Variants in ZRANB1 observed in about 807,000 individuals in gnomAD.
ZRANB1 encodes ubiquitin thioesterase ZRANB1.
ZRANB1 carries 16 observed loss-of-function variants against 80.5 expected under a neutral mutation model. The observed-to-expected ratio is 0.20, with a 90% CI of 0.13 to 0.30. ZRANB1 has a LOEUF of 0.30. Among genes scored for constraint, ZRANB1 ranks in the 10% least tolerant of loss-of-function variants. The pLI, the probability that ZRANB1 is intolerant of heterozygous loss-of-function variation, is 1.00. For synonymous variants in ZRANB1, 291 were observed against 293.1 expected (o/e 0.99, Z 0.07); for missense variants, 576 against 862.6 (o/e 0.67, Z 4.16).
upstream of ZRANB1, among the ~76,000 whole-genome samples, chr10:124,940,262 TTAAAA>T (rs1951523040): frequency 6.6e-6 from 1 of 152,358 alleles, no homozygotes; most frequent in East Asian, 1.9e-4. Flanking sequence ...TTGTCCATTG[TTAAAA>T]TAAGTGAGTA....
intron 1 of ZRANB1, among the ~76,000 whole-genome samples, chr10:124,955,447 A>G (rs918520587): frequency 2.0e-5 from 3 of 152,092 alleles, no homozygotes; most frequent in African/African-American, 7.2e-5. Flanking sequence ...AGACTTCTGT[A>G]GCGTCTTTTG....
At chr10:124,957,866 A>G (rs955958639) in intron 1 of ZRANB1, among the ~76,000 whole-genome samples, 2 of 152,050 alleles carry the variant, frequency 1.3e-5, no homozygotes, top group African/African-American at 4.8e-5. Flanking sequence ...AGCTGGGACT[A>G]TAGGCGTGTG....
At chr10:124,922,281 A>AATATATATATATATATGTAAAAT in the ZRANB1 span, among the ~76,000 whole-genome samples, 387 of 87,374 alleles carry the variant, frequency 4.4e-3, 3 homozygotes, top group African/African-American at 0.016. Flanking sequence ...ATATATGTAA[A>AATATATATATATATATGTAAAAT]ATATATATAT....
the ZRANB1 span, among the ~76,000 whole-genome samples, chr10:124,916,938 G>A: frequency 1.3e-5 from 2 of 151,860 alleles, no homozygotes; most frequent in Non-Finnish European, 2.9e-5. Flanking sequence ...GGTCCGCAGC[G>A]CCCGCGGCCG....
chr10:124,943,553 ATATG>A (rs200916241), intron 1 of ZRANB1, among the ~76,000 whole-genome samples: 12,284 of 152,044 alleles, frequency 0.081, 674 homozygotes, highest in Admixed American at 0.16. Flanking sequence ...GTGTATATAT[ATATG>A]CGCAAAGTCA....
chr10:124,954,749 C>CT (rs1284716418), intron 1 of ZRANB1, among the ~76,000 whole-genome samples: 2 of 151,040 alleles, frequency 1.3e-5, no homozygotes, highest in Non-Finnish European at 3.0e-5. Context: ...TACCTGGCCC[C>CT]TTTTTACTTA....
At chr10:124,980,507 CT>C (rs66510024) in intron 5 of ZRANB1, among the ~76,000 whole-genome samples, 24,454 of 152,082 alleles carry the variant, frequency 0.16, 2,036 homozygotes, top group African/African-American at 0.21. Context: ...TCTCCTTGAA[CT>C]TTTCAAAACA....
chr10:124,922,184 A>G, the ZRANB1 span, among the ~76,000 whole-genome samples: 2 of 149,930 alleles, frequency 1.3e-5, no homozygotes, highest in Non-Finnish European at 3.0e-5. Flanking sequence ...GGCTCAACCA[A>G]TCCTCTTGCC....
intron 1 of ZRANB1, 78 bp downstream of exon 1, chr10:124,943,385 T>C (rs1050901830): frequency 5.0e-6 from 7 of 1,388,130 alleles, no homozygotes; most frequent in East Asian, 2.3e-5. Flanking sequence ...CTGGGTGCGC[T>C]GACACACGTT....
chr10:124,983,729 T>C lies in ZRANB1; in HGVS notation c.1908+41T>C, dbSNP rs1260370088. ...TATGAACTATTTCTAGTAGTGACCT[T>C]GTACCAGAAACAGCCTGAAGTGCCT... On this transcript the variant is annotated intron_variant, in intron 8 of 8. Transcript: ENST00000359653. This position sits in a 1 kb window ranked among gnomAD's most constrained non-coding sequence, Gnocchi z 6.2. The C allele has an allele frequency of 2.0e-6, 3 of 1,478,612 alleles. No individual in the cohort carries two copies. Among genetic ancestry groups the C allele is most frequent in the Non-Finnish European group, 9.2e-7 (1 of 1,087,098 alleles). The allele number at this position is 1,478,612 out of a possible 1,614,324, so 91.6% of individuals were successfully genotyped here.
the ZRANB1 span, among the ~76,000 whole-genome samples, chr10:124,919,919 CCCT>C: frequency 4.7e-4 from 57 of 120,804 alleles, no homozygotes; most frequent in Non-Finnish European, 7.6e-4. Flanking sequence ...CCCCCCCCCC[CCCT>C]TTTTTTTTTT....
the ZRANB1 span, among the ~76,000 whole-genome samples, chr10:124,926,271 A>T: frequency 2.0e-5 from 3 of 152,236 alleles, no homozygotes; most frequent in African/African-American, 7.2e-5. Context: ...ATTTTCTTCA[A>T]AAATAAATTA....
chr10:124,923,361 A>G, the ZRANB1 span, among the ~76,000 whole-genome samples: 1 of 150,832 alleles, frequency 6.6e-6, no homozygotes, highest in Admixed American at 6.6e-5. Flanking sequence ...TGGGAGGCCA[A>G]GGCAGGTGGA....
Position 124,983,144 on chromosome 10 carries a change from A to G in ZRANB1, c.1549-31A>G, listed in dbSNP as rs980183377. The G allele has an allele frequency of 5.0e-6, 8 of 1,591,880 alleles. No homozygotes were observed. Among genetic ancestry groups the G allele is most frequent in the Middle Eastern group, 1.7e-4 (1 of 5,966 alleles). ...ATCAGTTTTCCAGGAGTGGTAATAA[A>G]TGTTTTAAGTTTTTGTTTTGTTTCG... On this transcript the variant is annotated intron_variant, in intron 6 of 8. Transcript: ENST00000359653. This position sits in a 1 kb window ranked among gnomAD's most constrained non-coding sequence, Gnocchi z 6.2.
chr10:124,942,155 T>C lies in ZRANB1; in HGVS notation c.-339T>C. On this transcript the variant is annotated 5_prime_UTR_variant, in exon 1 of 9. Coordinates refer to ENST00000359653, the MANE Select transcript of ZRANB1 (RefSeq NM_017580.3). Reference sequence around the variant, plus strand: ...CCTCCCTGAAATTAAACATTTCTATTAGTGGCTTCCCGTTAATCTCATCCT... The same window carrying C: ...CCTCCCTGAAATTAAACATTTCTATCAGTGGCTTCCCGTTAATCTCATCCT... 1.9e-6 allele frequency: 2 copies of C among 1,077,808 alleles called. No homozygotes were observed. The highest frequency in any genetic ancestry group is 3.2e-5 in the South Asian group (1 of 31,372). The allele number at this position is 1,077,808 out of a possible 1,614,324, so 66.8% of individuals were successfully genotyped here.
the ZRANB1 span, among the ~76,000 whole-genome samples, chr10:124,929,114 G>A: frequency 2.0e-5 from 3 of 152,178 alleles, no homozygotes; most frequent in African/African-American, 7.2e-5. Context: ...TGGAATAGGG[G>A]TATAGCAGGG....
chr10:124,984,518 T>C, intron 8 of ZRANB1: 1 of 431,032 alleles, frequency 2.3e-6, no homozygotes, highest in Non-Finnish European at 4.1e-6. Context: ...TTTTTTATTT[T>C]ATCTAACAAA....
the ZRANB1 span, among the ~76,000 whole-genome samples, chr10:124,928,814 T>A: frequency 6.6e-6 from 1 of 152,158 alleles, no homozygotes; most frequent in African/African-American, 2.4e-5. Context: ...AATGCCTGAG[T>A]GGTCAGAGAA....
In ZRANB1 at chr10:124,942,434, A is replaced by T. The variant is rs1951544052; in HGVS notation, c.-60A>T. ...GGAGGTGGAATGTAGTTATTTTAAT[A>T]ACCATGTCCTAATTATTTATAGCTT... On this transcript the variant is annotated 5_prime_UTR_variant, in exon 1 of 9. Coordinates refer to ENST00000359653, the MANE Select transcript of ZRANB1 (RefSeq NM_017580.3). 1 of 1,592,460 alleles carries T rather than the reference A, an allele frequency of 6.3e-7. No homozygotes were observed. Among genetic ancestry groups the T allele is most frequent in the East Asian group, 2.3e-5 (1 of 44,322 alleles).
Sources: allele counts gnomAD v4.1 joint callset (sites outside exome capture counted in the v4.1 genomes callset), GRCh38; gene constraint gnomAD v4.1.1; non-coding constraint Gnocchi (gnomAD v3.1); transcripts MANE v1.5; gene names NCBI Gene and HGNC (gene_info 2026-07-23, HGNC 2026-07-21).